Variants in NBAS observed in about 807,000 individuals in gnomAD.
NBAS encodes NBAS subunit of NRZ tethering complex, also known as NAG/BC035112 fusion.
NBAS carries 219 observed loss-of-function variants against 302.5 expected under a neutral mutation model. The observed-to-expected ratio is 0.72, with a 90% confidence interval of 0.65 to 0.81. NBAS has a LOEUF of 0.81. Among genes scored for constraint, NBAS ranks in the 30% least tolerant of loss-of-function variants. NBAS has a pLI of 0.00. For synonymous variants in NBAS, 1,118 were observed against 1,021.6 expected (o/e 1.09, Z -1.80); for missense variants, 2,932 against 2,841.6 (o/e 1.03, Z -0.72).
At chr2:14,997,984 C>T in the NBAS span, among the ~76,000 whole-genome samples, 4 of 152,044 alleles carry the variant, frequency 2.6e-5, no homozygotes, top group African/African-American at 7.2e-5. Context: ...TTTCTCCTCG[C>T]TTTTTCCCAT....
At chr2:15,469,632 A>G (rs1679872020) in intron 16 of NBAS, among the ~76,000 whole-genome samples, 1 of 152,114 alleles carries the variant, frequency 6.6e-6, no homozygotes, top group African/African-American at 2.4e-5. Context: ...TGTGGCATAT[A>G]TACACCATGG....
the NBAS span, among the ~76,000 whole-genome samples, chr2:14,897,940 G>T: frequency 6.6e-6 from 1 of 152,170 alleles, no homozygotes; most frequent in East Asian, 1.9e-4. Context: ...CTTGATGTTG[G>T]ACACTTTCCT....
At chr2:14,811,785 G>A in the NBAS span, among the ~76,000 whole-genome samples, 3 of 152,166 alleles carry the variant, frequency 2.0e-5, no homozygotes, top group African/African-American at 4.8e-5. Flanking sequence ...GAATGTAAAT[G>A]ATGAAATGTA....
At chr2:15,439,751 G>C (rs564846791) in intron 21 of NBAS, among the ~76,000 whole-genome samples, 50 of 152,298 alleles carry the variant, frequency 3.3e-4, no homozygotes, top group African/African-American at 1.2e-3. Context: ...CCCTTTCCTA[G>C]TCAAAGAAAG....
intron 40 of NBAS, among the ~76,000 whole-genome samples, chr2:15,304,322 G>C (rs1416832626): frequency 6.6e-6 from 1 of 152,156 alleles, no homozygotes; most frequent in Non-Finnish European, 1.5e-5. Context: ...CTTCTGTCAT[G>C]ATTGAAAGTT....
the NBAS span, among the ~76,000 whole-genome samples, chr2:15,132,537 T>C: frequency 1.3e-5 from 2 of 152,176 alleles, no homozygotes; most frequent in Admixed American, 6.5e-5. Flanking sequence ...ATCCATACAA[T>C]ATACATCAAC....
chr2:15,360,715 A>T (rs1313835731), intron 32 of NBAS, among the ~76,000 whole-genome samples: 1 of 149,132 alleles, frequency 6.7e-6, no homozygotes, highest in Non-Finnish European at 1.5e-5. Context: ...ACAAACACAC[A>T]TATTAGTCTA....
intron 21 of NBAS, among the ~76,000 whole-genome samples, chr2:15,448,815 G>C (rs571135302): frequency 6.6e-5 from 10 of 152,008 alleles, no homozygotes; most frequent in Non-Finnish European, 8.8e-5. Flanking sequence ...TTAGAAAAAG[G>C]GTTTATTTAT....
Position 15,167,033 on chromosome 2 carries a change from G to T in NBAS, c.*15C>A. 6.5e-7 allele frequency: 1 copy of T among 1,527,846 alleles called. No homozygotes were observed. The highest frequency in any genetic ancestry group is 1.3e-5 in the South Asian group (1 of 76,486). The allele number at this position is 1,527,846 out of a possible 1,614,324, so 94.6% of individuals were successfully genotyped here. ...AGATGCTTTTTCTGCTAAGGAGCAGGGCCACAGGTGGCCCTCACACCCAGT... is the reference window on the plus strand; with the variant it reads ...AGATGCTTTTTCTGCTAAGGAGCAGTGCCACAGGTGGCCCTCACACCCAGT... On this transcript the variant is annotated 3_prime_UTR_variant, in exon 52 of 52. Coordinates refer to ENST00000281513, the MANE Select transcript of NBAS (RefSeq NM_015909.4).
At chr2:15,543,302 G>A (rs2148697205) in intron 6 of NBAS, among the ~76,000 whole-genome samples, 1 of 152,208 alleles carries the variant, frequency 6.6e-6, no homozygotes, top group Middle Eastern at 3.4e-3. Flanking sequence ...ACACTCCACT[G>A]GCTTTTTTTC....
chr2:15,449,166 G>T (rs4668908), intron 21 of NBAS, among the ~76,000 whole-genome samples: 77,972 of 152,008 alleles, frequency 0.51, 23,271 homozygotes, highest in Non-Finnish European at 0.67. Context: ...GGAAACTGAA[G>T]ATTATATTGT....
chr2:15,089,997 C>T, the NBAS span, among the ~76,000 whole-genome samples: 1 of 152,064 alleles, frequency 6.6e-6, no homozygotes, highest in Non-Finnish European at 1.5e-5. Context: ...ATCCGCCCAC[C>T]CCAGCCTCCC....
intron 51 of NBAS, among the ~76,000 whole-genome samples, chr2:15,169,478 T>C (rs769693202): frequency 1.3e-5 from 2 of 152,150 alleles, no homozygotes; most frequent in Non-Finnish European, 2.9e-5. Context: ...GCTCCTGCCC[T>C]CAGCAGCACG....
At position 15,192,903 on chromosome 2, in the gene NBAS, G is replaced by C. The variant is rs925170736; in HGVS notation, c.6433-2500C>G. Among the ~76,000 whole-genome samples, 7 of 152,174 alleles carry C rather than the reference G, an allele frequency of 4.6e-5. No individual in the cohort carries two copies. The South Asian group carries it at 1.0e-3, about 23-fold the overall frequency. On this transcript the variant is annotated intron_variant, in intron 48 of 51. Transcript: ENST00000281513. ...CTGTATGTGATGCACTGTATGAATA[G>C]GAAGAGATTAACAATAAAAGAATCA... is the stretch of plus-strand genomic sequence containing the variant.
At position 15,468,372 on chromosome 2, in the gene NBAS, T is replaced by C. The variant is rs1345336632; in HGVS notation, c.1877+10A>G. On this transcript the variant is annotated intron_variant, in intron 17 of 51. Coordinates refer to ENST00000281513, the MANE Select transcript of NBAS (RefSeq NM_015909.4). ...CCTTTACTTTGAATCCAATTCTTTC[T>C]GTAACCAACCTGCCATCATCTGCTC... 6.2e-6 allele frequency: 10 copies of C among 1,614,000 alleles called. No homozygotes were observed. In the South Asian group the frequency reaches 6.6e-5, roughly 11 times the overall value.
chr2:15,478,170 T>C, intron 13 of NBAS, 56 bp downstream of exon 13: 2 of 1,182,520 alleles, frequency 1.7e-6, no homozygotes, highest in Non-Finnish European at 2.5e-6. Flanking sequence ...AAAGAGAATC[T>C]TGTATAATAA....
chr2:14,802,489 T>C, the NBAS span, among the ~76,000 whole-genome samples: 2 of 151,984 alleles, frequency 1.3e-5, no homozygotes, highest in Admixed American at 1.3e-4. Context: ...TGGCTTAGGA[T>C]TGACTTGGCG....
At chr2:15,456,074 A>G (rs1679236756) in intron 21 of NBAS, among the ~76,000 whole-genome samples, 1 of 152,222 alleles carries the variant, frequency 6.6e-6, no homozygotes, top group Non-Finnish European at 1.5e-5. Flanking sequence ...TATAACAGTT[A>G]CAAACTCAGA....
In NBAS at chr2:15,397,744, C is replaced by T. The variant is rs185259335; in HGVS notation, c.3072-1269G>A. On this transcript the variant is annotated intron_variant, in intron 26 of 51. Coordinates refer to ENST00000281513, the MANE Select transcript of NBAS (RefSeq NM_015909.4). ...GAACAGGCTGCATGTGGCTGTGGCC[C>T]TTTTTGGCATGACCGTTGTTCCTTC... The T allele has an allele frequency of 2.4e-3, 646 of 272,290 alleles. 5 individuals are homozygous for T. The highest frequency in any genetic ancestry group is 0.013 in the African/African-American group (563 of 44,504). The allele number at this position is 272,290 out of a possible 1,614,324, so 16.9% of individuals were successfully genotyped here. A position where few individuals can be genotyped will look rare whatever the true frequency, so the allele number is the denominator to read the frequency against.
Sources: gnomAD v4.1 joint callset for allele counts (sites outside exome capture counted in the v4.1 genomes callset) on GRCh38, gnomAD v4.1.1 for gene constraint, MANE v1.5 for transcripts, NCBI Gene and HGNC (gene_info 2026-07-23, HGNC 2026-07-21) for gene names.